Variants in CLIP4 observed in about 807,000 individuals in gnomAD.
CLIP4 encodes CAP-Gly domain-containing linker protein 4.
In CLIP4, 47 loss-of-function variants were observed where a neutral mutation model predicts 73.1. The observed-to-expected ratio is 0.64, with a 90% confidence interval of 0.51 to 0.82. The LOEUF is 0.82. Among genes scored for constraint, CLIP4 ranks in the 40% least tolerant of loss-of-function variants. The pLI, the probability that CLIP4 is intolerant of heterozygous loss-of-function variation, is 0.00. For missense variants in CLIP4, 874 were observed against 852.9 expected (o/e 1.02, Z -0.31); for synonymous variants, 306 against 295.4 (o/e 1.04, Z -0.37).
chr2:29,178,293 C>T (rs1200216402), intron 15 of CLIP4, among the ~76,000 whole-genome samples: 3 of 152,008 alleles, frequency 2.0e-5, no homozygotes, highest in African/African-American at 7.2e-5. Flanking sequence ...GATTCTCCTG[C>T]CTCAGCCTCC....
In CLIP4 at chr2:29,131,268, C is replaced by A. The variant is rs751580548; in HGVS notation, c.144C>A (p.Phe48Leu). 1.8e-5 allele frequency: 28 copies of A among 1,595,678 alleles called. No individual in the cohort carries two copies. Among genetic ancestry groups the A allele is most frequent in the East Asian group, 2.3e-5 (1 of 44,370 alleles). Residue 48 changes from phenylalanine to leucine, a missense_variant, in exon 3 of 16, where the codon TTC becomes TTA. Coordinates refer to ENST00000320081, the MANE Select transcript of CLIP4 (RefSeq NM_024692.6). Reference protein sequence around the residue: ...APMPSDCEFSFFDPNDASCQE... With the variant: ...APMPSDCEFSLFDPNDASCQE... ...CTTTTTTTATTTCAGAATTTTCTTT[C>A]TTTGATCCTAATGATGCATCATGCC...
At chr2:29,141,332 A>G (rs1008147476) in intron 6 of CLIP4, among the ~76,000 whole-genome samples, 6 of 152,160 alleles carry the variant, frequency 3.9e-5, no homozygotes, top group African/African-American at 1.4e-4. Flanking sequence ...TTAGATGCCT[A>G]TTAAGTCTAA....
At chr2:29,135,456 A>G (rs1033344266) in intron 5 of CLIP4, 92 bp from the exon 6 acceptor site, 20 of 817,160 alleles carry the variant, frequency 2.4e-5, no homozygotes, top group East Asian at 8.2e-5. Flanking sequence ...TACAAATGCT[A>G]TAAGTCCCTC....
intron 2 of CLIP4, among the ~76,000 whole-genome samples, chr2:29,125,319 G>C (rs972667453): frequency 1.3e-5 from 2 of 152,200 alleles, no homozygotes; most frequent in Non-Finnish European, 2.9e-5. Flanking sequence ...AATCCCTGTA[G>C]TCCTTATGGA....
At chr2:29,131,488 G>A in intron 3 of CLIP4, 91 bp downstream of exon 3, 2 of 1,345,960 alleles carry the variant, frequency 1.5e-6, no homozygotes, top group Non-Finnish European at 2.0e-6. Flanking sequence ...TGGTAATAAA[G>A]GAGAAACCCT....
At chr2:29,175,631 G>C (rs1371751109) in intron 15 of CLIP4, 1 of 152,196 alleles carries the variant, frequency 6.6e-6, no homozygotes, top group African/African-American at 2.4e-5. Context: ...CTCTGTAGAC[G>C]TGAGGTGGAA....
intron 7 of CLIP4, 26 bp from the exon 8 acceptor site, chr2:29,145,206 A>G: frequency 6.2e-7 from 1 of 1,602,936 alleles, no homozygotes; most frequent in Non-Finnish European, 8.5e-7. Flanking sequence ...ATTCCCCAAA[A>G]TTATTCTGGT....
intron 14 of CLIP4, among the ~76,000 whole-genome samples, chr2:29,170,685 A>ACT (rs1667947379): frequency 6.6e-6 from 1 of 151,830 alleles, no homozygotes; most frequent in Non-Finnish European, 1.5e-5. Flanking sequence ...ACCCAAGATC[A>ACT]CTCTGATTTT....
At chr2:29,135,177 A>G (rs548576819) in intron 5 of CLIP4, among the ~76,000 whole-genome samples, 4 of 152,324 alleles carry the variant, frequency 2.6e-5, no homozygotes, top group African/African-American at 9.6e-5. Context: ...CCCCTGAGCT[A>G]AACTCTACTA....
In CLIP4 at chr2:29,131,341, A is replaced by G. The variant is rs745442308; in HGVS notation, c.217A>G (p.Ile73Val). Residue 73 changes from isoleucine (I) to valine (V), a missense_variant, in exon 3 of 16, where the codon ATT (isoleucine) becomes GTT (valine). Transcript: ENST00000320081. ...PKTSVSELFA[I>V]LRQWVPQVQQ... ...AACTTCAGTTTCAGAATTATTTGCC[A>G]TTTTGAGACAGTGGGTTCCTCAGGT... The G allele has an allele frequency of 9.9e-6, 16 of 1,610,562 alleles. No individual in the cohort carries two copies. Among genetic ancestry groups the G allele is most frequent in the African/African-American group, 1.3e-5 (1 of 74,848 alleles).
At chr2:29,109,249 T>C (rs1483373017) in intron 1 of CLIP4, among the ~76,000 whole-genome samples, 1 of 152,126 alleles carries the variant, frequency 6.6e-6, no homozygotes, top group Admixed American at 6.6e-5. Context: ...GGCCAAAAAT[T>C]TGGGGGGTGG....
chr2:29,135,645 G>A lies in CLIP4; in HGVS notation c.627G>A (p.Gln209=). 4 of 1,608,752 alleles carry A rather than the reference G, an allele frequency of 2.5e-6. No individual in the cohort carries two copies. Among genetic ancestry groups the A allele is most frequent in the Non-Finnish European group, 3.4e-6 (4 of 1,177,700 alleles). ...CAGAVKCLLE[Q]GANPAFRNDK... The stretch of plus-strand genomic sequence containing the variant: ...GTGCTGTGAAGTGCCTCTTGGAGCA[G>A]GGAGCAAATCCTGCATTTAGGGTAA... Residue 209 remains glutamine, a synonymous_variant, in exon 6 of 16, where the codon CAG becomes CAA. Transcript: ENST00000320081.
At chr2:29,179,976 C>G (rs1014487924) in intron 15 of CLIP4, among the ~76,000 whole-genome samples, 4 of 152,218 alleles carry the variant, frequency 2.6e-5, no homozygotes, top group Middle Eastern at 3.4e-3. Flanking sequence ...AGTCATCTTC[C>G]TTTCTTATAG....
chr2:29,161,193 C>T (rs758430920), intron 12 of CLIP4, among the ~76,000 whole-genome samples: 37 of 152,146 alleles, frequency 2.4e-4, no homozygotes, highest in African/African-American at 7.2e-5. Flanking sequence ...AGGCTGGTCT[C>T]GAACTCCCAA....
chr2:29,155,579 A>AT (rs1666870212), intron 9 of CLIP4, among the ~76,000 whole-genome samples: 1 of 152,310 alleles, frequency 6.6e-6, no homozygotes, highest in South Asian at 2.1e-4. Context: ...TCCTTGTATT[A>AT]TTTTTTATAA....
chr2:29,174,176 C>T (rs1478345994), intron 14 of CLIP4, among the ~76,000 whole-genome samples, 197 bp from the exon 15 acceptor site: 1 of 151,918 alleles, frequency 6.6e-6, no homozygotes, highest in African/African-American at 2.4e-5. Flanking sequence ...TGGTCTTGAA[C>T]TCCTAAGTTC....
intron 12 of CLIP4, among the ~76,000 whole-genome samples, 149 bp from the exon 13 acceptor site, chr2:29,163,672 TTACAATTTTA>T (rs1667427635): frequency 1.3e-5 from 2 of 152,230 alleles, no homozygotes; most frequent in Non-Finnish European, 2.9e-5. Flanking sequence ...TTTTCAAAGT[TTACAATTTTA>T]TAATTTGAAA....
chr2:29,142,162 A>C (rs767414075), intron 6 of CLIP4, among the ~76,000 whole-genome samples: 1 of 145,898 alleles, frequency 6.9e-6, no homozygotes, highest in Non-Finnish European at 1.5e-5. Flanking sequence ...CATGTGTAGA[A>C]CTCCCTTAAT....
At chr2:29,137,461 T>C (rs184231933) in intron 6 of CLIP4, among the ~76,000 whole-genome samples, 5 of 152,320 alleles carry the variant, frequency 3.3e-5, no homozygotes, top group African/African-American at 1.2e-4. Context: ...GCTTTGCTAT[T>C]ATGAATCGTG....
Sources: allele counts gnomAD v4.1 joint callset (sites outside exome capture counted in the v4.1 genomes callset), GRCh38; gene constraint gnomAD v4.1.1; transcripts MANE v1.5; gene names NCBI Gene and HGNC (gene_info 2026-07-23, HGNC 2026-07-21).